DNAJC13: variants seen among roughly 807,000 people sequenced by gnomAD.
DNAJC13 encodes the protein DnaJ heat shock protein family (Hsp40) member C13.
Under a neutral mutation model 290.5 loss-of-function variants are expected in DNAJC13, and 75 were observed. The ratio of observed to expected loss-of-function variants is 0.26; its 90% confidence interval spans 0.21 to 0.31. The LOEUF is 0.31. DNAJC13 is among the 10% of genes least tolerant of loss of function. The pLI is 1.00. For missense variants in DNAJC13, 2,260 were observed against 2,674.5 expected (o/e 0.85, Z 3.42); for synonymous variants, 862 against 892.0 (o/e 0.97, Z 0.60).
rs1406890327 is a variant in DNAJC13, at chr3:132,538,883, A to T, written c.*601A>T. ...AAAAAATTTAAAAATGGATGTCAAG[A>T]TGTTATGTAAAAGATGAGTGTAATT... is the stretch of plus-strand genomic sequence containing the variant. On this transcript the variant is annotated 3_prime_UTR_variant, in exon 56 of 56. Transcript: ENST00000260818. 1 of 152,628 alleles carries T rather than the reference A, an allele frequency of 6.6e-6. No homozygotes were observed. The highest frequency in any genetic ancestry group is 2.4e-5 in the African/African-American group (1 of 41,450). The allele number at this position is 152,628 out of a possible 1,614,324, so 9.5% of individuals were successfully genotyped here.
At chr3:132,482,888 A>C (rs1005465078) in intron 27 of DNAJC13, among the ~76,000 whole-genome samples, 1 of 152,106 alleles carries the variant, frequency 6.6e-6, no homozygotes, top group Non-Finnish European at 1.5e-5. Context: ...AAGCTATCTT[A>C]GTACTTACGT....
At chr3:132,490,785 G>C in intron 31 of DNAJC13, 112 bp from the exon 32 acceptor site, 1 of 1,113,794 alleles carries the variant, frequency 9.0e-7, no homozygotes, top group South Asian at 1.9e-5. Flanking sequence ...AAAGCAATTT[G>C]TTCCAATTGT....
At chr3:132,449,178 G>A (rs1933347074) in intron 5 of DNAJC13, among the ~76,000 whole-genome samples, 1 of 152,076 alleles carries the variant, frequency 6.6e-6, no homozygotes, top group African/African-American at 2.4e-5. Flanking sequence ...ATACTGTGCT[G>A]GCTAAACGGC....
Position 132,531,063 on chromosome 3 carries a change from C to A in DNAJC13, c.6591C>A (p.Phe2197Leu). The A allele has an allele frequency of 6.2e-7, 1 of 1,614,024 alleles. No individual in the cohort carries two copies. Among genetic ancestry groups the A allele is most frequent in the Non-Finnish European group, 8.5e-7 (1 of 1,179,964 alleles). The stretch of plus-strand genomic sequence containing the variant: ...TCAAAGATCAGAAACATGATTTGTT[C>A]ATTTCTGAGTCACAAACAGCAGGAT... ...SAFKDQKHDL[F>L]ISESQTAGYL... The change falls in exon 55 of 56, where the codon TTC (phenylalanine) becomes TTA (leucine). Residue 2197 changes from phenylalanine to leucine, a missense_variant. Around this residue, in one of 3 missense-constraint regions of DNAJC13, gnomAD observed 1,494 missense variants for 1,693.7 expected, o/e 0.88. Transcript: ENST00000260818.
At chr3:132,529,099 G>A (rs755170967) in intron 54 of DNAJC13, among the ~76,000 whole-genome samples, 11 of 152,214 alleles carry the variant, frequency 7.2e-5, no homozygotes, top group Admixed American at 1.3e-4. Context: ...CCATTCAGCA[G>A]CTACTCTCCC....
At chr3:132,534,214 C>T (rs986701880) in intron 55 of DNAJC13, among the ~76,000 whole-genome samples, 1 of 152,118 alleles carries the variant, frequency 6.6e-6, no homozygotes, top group Non-Finnish European at 1.5e-5. Flanking sequence ...AGCCTGCAGA[C>T]GTGTCCATGT....
intron 1 of DNAJC13, among the ~76,000 whole-genome samples, chr3:132,418,733 AAGT>A (rs897266741): frequency 5.3e-5 from 8 of 152,152 alleles, no homozygotes; most frequent in Non-Finnish European, 1.0e-4. Context: ...TTGGGGAAAA[AAGT>A]AGAAGTTCAG....
At chr3:132,490,319 G>A (rs1935023790) in intron 31 of DNAJC13, among the ~76,000 whole-genome samples, 1 of 152,084 alleles carries the variant, frequency 6.6e-6, no homozygotes. Flanking sequence ...TTTCCATTGA[G>A]TAAAGAAATG....
intron 14 of DNAJC13, 150 bp downstream of exon 14, chr3:132,460,507 T>C (rs1489740034): frequency 1.8e-6 from 1 of 550,700 alleles, no homozygotes; most frequent in Non-Finnish European, 3.3e-6. Flanking sequence ...TCACTGATAA[T>C]AAAATATTTT....
In DNAJC13 at chr3:132,461,070, A is replaced by G; in HGVS notation, c.1578A>G (p.Leu526=). The change falls in exon 15 of 56, where the codon CTA becomes CTG. Residue 526 remains leucine (L), a synonymous_variant. Coordinates refer to ENST00000260818, the MANE Select transcript of DNAJC13 (RefSeq NM_015268.4). ...NSHVDHGTGA[L]VISSLLDFLT... ...TTCAGGATCATGGGACTGGTGCCCT[A>G]GTTATTAGTTCGCTCTTGGACTTCC... The G allele has an allele frequency of 6.2e-7, 1 of 1,613,978 alleles. No homozygotes were observed. Among genetic ancestry groups the G allele is most frequent in the Non-Finnish European group, 8.5e-7 (1 of 1,179,926 alleles).
chr3:132,456,350 G>A lies in DNAJC13; in HGVS notation c.1048G>A (p.Val350Ile), dbSNP rs1283190789. The A allele has an allele frequency of 1.2e-5, 20 of 1,613,950 alleles. No individual in the cohort carries two copies. The highest frequency in any genetic ancestry group is 1.6e-5 in the Non-Finnish European group (19 of 1,179,892). Residue 350 changes from valine (V) to isoleucine (I), a missense_variant, in exon 10 of 56, where the codon GTT becomes ATT. Coordinates refer to ENST00000260818, the MANE Select transcript of DNAJC13 (RefSeq NM_015268.4). ...GQRWGLLSMP[V>I]DEEVESLHLR... Reference sequence around the variant, plus strand: ...GCGATGGGGGTTACTCAGCATGCCTGTTGATGAGGAAGTAGAGAGCCTTCA... The same window carrying A: ...GCGATGGGGGTTACTCAGCATGCCTATTGATGAGGAAGTAGAGAGCCTTCA...
At chr3:132,436,097 C>T (rs991954458) in intron 2 of DNAJC13, among the ~76,000 whole-genome samples, 1 of 152,140 alleles carries the variant, frequency 6.6e-6, no homozygotes, top group Non-Finnish European at 1.5e-5. Flanking sequence ...TACAATTCAG[C>T]GGATTTTAGT....
At position 132,467,391 on chromosome 3, in the gene DNAJC13, A is replaced by T. The variant is rs746826770; in HGVS notation, c.2208+78A>T. On this transcript the variant is annotated intron_variant, in intron 20 of 55. Coordinates refer to ENST00000260818, the MANE Select transcript of DNAJC13 (RefSeq NM_015268.4). ...ACTTTAGTTCCTGCTGTTCACAGAG[A>T]TGGTATCGATACATTTCTTGCTGAA... 3.5e-6 allele frequency: 5 copies of T among 1,440,072 alleles called. No homozygotes were observed. In the East Asian group the frequency reaches 1.2e-4, roughly 34 times the overall value. 89.2% of individuals were successfully genotyped at this position (1,440,072 alleles called of 1,614,324 possible). A position where few individuals can be genotyped will look rare whatever the true frequency, so the allele number is the denominator to read the frequency against.
chr3:132,452,762 G>A (rs1933457314), intron 6 of DNAJC13, among the ~76,000 whole-genome samples: 1 of 152,184 alleles, frequency 6.6e-6, no homozygotes, highest in Non-Finnish European at 1.5e-5. Flanking sequence ...CTGATCCCAA[G>A]CATTTCAAAT....
In DNAJC13 at chr3:132,477,847, T is replaced by C. The variant is rs751023891; in HGVS notation, c.2504T>C (p.Leu835Pro). Residue 835 changes from leucine (L) to proline (P), a missense_variant, in exon 23 of 56, where the codon CTA becomes CCA. Leu to Pro is a moderately conservative substitution (Grantham distance 98). Coordinates refer to ENST00000260818, the MANE Select transcript of DNAJC13 (RefSeq NM_015268.4). Reference sequence around the variant, plus strand: ...ATAGGAGACTATTACCTGAGATTACTATTGGAGGAAGATGAGAATGAAGAA... The same window carrying C: ...ATAGGAGACTATTACCTGAGATTACCATTGGAGGAAGATGAGAATGAAGAA... ...IKIGDYYLRL[L>P]LEEDENEESG... is the part of the protein sequence containing the mutation. The C allele has an allele frequency of 6.2e-7, 1 of 1,613,514 alleles. No homozygotes were observed. Among genetic ancestry groups the C allele is most frequent in the Non-Finnish European group, 8.5e-7 (1 of 1,179,786 alleles).
At chr3:132,493,472 T>C (rs1343252627) in intron 33 of DNAJC13, among the ~76,000 whole-genome samples, 1 of 152,060 alleles carries the variant, frequency 6.6e-6, no homozygotes, top group Non-Finnish European at 1.5e-5. Flanking sequence ...TTAATCCAGC[T>C]CTACCACTAA....
chr3:132,507,441 CT>C, intron 43 of DNAJC13, 88 bp downstream of exon 43: 1 of 770,162 alleles, frequency 1.3e-6, no homozygotes, highest in Non-Finnish European at 2.2e-6. Flanking sequence ...TAGAGGCACA[CT>C]TCATTTTATT....
At chr3:132,428,734 GA>G (rs1282598342) in intron 1 of DNAJC13, among the ~76,000 whole-genome samples, 3 of 152,142 alleles carry the variant, frequency 2.0e-5, no homozygotes, top group Admixed American at 6.5e-5. Context: ...ACTTTGTCAA[GA>G]AATGTCCTAC....
At chr3:132,502,219 T>C in intron 39 of DNAJC13, 70 bp from the exon 40 acceptor site, 1 of 1,376,690 alleles carries the variant, frequency 7.3e-7, no homozygotes, top group Non-Finnish European at 9.6e-7. Context: ...GCACAACCAG[T>C]TCCTCTTGGG....
Sources: gnomAD v4.1 joint callset for allele counts (sites outside exome capture counted in the v4.1 genomes callset) on GRCh38, gnomAD v4.1.1 for gene constraint, gnomAD v4.1.1 regional missense constraint, MANE v1.5 for transcripts, NCBI Gene and HGNC (gene_info 2026-07-23, HGNC 2026-07-21) for gene names.